The following NRG1 variants were observed in gnomAD, a reference collection of about 807,000 sequenced individuals.
NRG1 encodes neuregulin 1.
NRG1 carries 18 observed loss-of-function variants against 63.8 expected under a neutral mutation model. The observed-to-expected ratio is 0.28, with a 90% confidence interval of 0.19 to 0.42. The LOEUF (loss-of-function observed/expected upper bound fraction) is 0.42. NRG1 is among the 10% of genes least tolerant of loss of function. The pLI is 1.00. For synonymous variants in NRG1, 302 were observed against 301.3 expected, an observed-to-expected ratio of 1.00 and a Z score of -0.02; for missense variants, 762 against 814.7, an observed-to-expected ratio of 0.94 and a Z score of 0.79.
At chr8:32,031,043 G>A (rs1025751146) in intron 1 of NRG1, among the ~76,000 whole-genome samples, 1 of 152,174 alleles carries the variant, frequency 6.6e-6, no homozygotes, top group African/African-American at 2.4e-5. Context: ...GCTACAAGAA[G>A]AACTGCTTTC....
At chr8:31,650,663 G>A (rs543566525) in intron 1 of NRG1, among the ~76,000 whole-genome samples, 1 of 152,270 alleles carries the variant, frequency 6.6e-6, no homozygotes, top group African/African-American at 2.4e-5. Context: ...CCTTACACAA[G>A]GTACTGTTAC....
At chr8:32,575,289 G>A (rs1263096783) in intron 1 of NRG1, among the ~76,000 whole-genome samples, 1 of 152,082 alleles carries the variant, frequency 6.6e-6, no homozygotes, top group East Asian at 1.9e-4. Context: ...CTCACTTCAT[G>A]TTCAATTGCC....
At chr8:31,763,629 G>C (rs918112694) in intron 1 of NRG1, among the ~76,000 whole-genome samples, 6 of 152,182 alleles carry the variant, frequency 3.9e-5, no homozygotes, top group African/African-American at 1.4e-4. Flanking sequence ...TGTGAGAATG[G>C]AAATAAAGGG....
intron 1 of NRG1, among the ~76,000 whole-genome samples, chr8:32,492,133 A>G (rs1043135295): frequency 6.6e-6 from 1 of 152,180 alleles, no homozygotes; most frequent in Non-Finnish European, 1.5e-5. Context: ...AAAAGAAAAA[A>G]AAAAACATTT....
chr8:31,789,261 TAGTC>T (rs1449966415), intron 1 of NRG1, among the ~76,000 whole-genome samples: 3 of 152,210 alleles, frequency 2.0e-5, no homozygotes, highest in Non-Finnish European at 4.4e-5. Flanking sequence ...AGAAAAAAAG[TAGTC>T]AGTAAGTTCT....
chr8:32,755,163 G>T (rs1192093212), intron 8 of NRG1, among the ~76,000 whole-genome samples: 1 of 152,130 alleles, frequency 6.6e-6, no homozygotes, highest in Non-Finnish European at 1.5e-5. Flanking sequence ...GAAAACATTA[G>T]AATAGATTTG....
intron 1 of NRG1, among the ~76,000 whole-genome samples, chr8:31,902,276 G>C (rs919124407): frequency 1.3e-5 from 2 of 152,166 alleles, no homozygotes; most frequent in South Asian, 2.1e-4. Flanking sequence ...GCCTTCAGTA[G>C]AAAATGGGAC....
At position 32,747,732 on chromosome 8, in the gene NRG1, G is replaced by GTGTATATATATATATATATATATATA. The variant is rs1264111970; in HGVS notation, c.691+5000_691+5001insGTATATATATATATATATATATATAT. Among the ~76,000 whole-genome samples, 53 of 132,062 alleles carry GTGTATATATATATATATATATATATA rather than the reference G, an allele frequency of 4.0e-4. 1 individual carries two copies. The highest frequency in any genetic ancestry group is 1.5e-3 in the African/African-American group (51 of 33,644). The allele number at this position is 132,062 out of a possible 152,430, so 86.6% of individuals were successfully genotyped here. ...TGTTTGTGTGCATATATGTGTGTGT[G>GTGTATATATATATATATATATATATA]TATATATATATATATATATATATAT... is the stretch of plus-strand genomic sequence containing the variant. On this transcript the variant is annotated intron_variant, in intron 7 of 11. Transcript: ENST00000356819.
At chr8:32,182,422 T>C (rs1209569665) in intron 1 of NRG1, among the ~76,000 whole-genome samples, 1 of 152,152 alleles carries the variant, frequency 6.6e-6, no homozygotes, top group Non-Finnish European at 1.5e-5. Context: ...AATTTTTGTA[T>C]TTTTAGTAGA....
rs149717210 is a variant in NRG1 at position 31,989,710 on chromosome 8, C to G, written c.37+350279C>G. The stretch of plus-strand genomic sequence containing the variant: ...GCATGCCATTGAAAACCTTCATGCC[C>G]TACTATTTCTTTTAGGACTTTTGTG... On this transcript the variant is annotated intron_variant, in intron 1 of 10. Coordinates refer to the NRG1 transcript ENST00000519301. 4.4e-3 allele frequency among the ~76,000 whole-genome samples: 666 copies of G among 152,156 alleles called. 7 individuals are homozygous for G. Among genetic ancestry groups the G allele is most frequent in the African/African-American group, 0.015 (610 of 41,528 alleles).
chr8:32,108,631 G>A (rs1585346957), intron 1 of NRG1, among the ~76,000 whole-genome samples: 1 of 152,126 alleles, frequency 6.6e-6, no homozygotes, highest in Non-Finnish European at 1.5e-5. Context: ...GGATGATCTC[G>A]GTGGGCCCCT....
intron 1 of NRG1, among the ~76,000 whole-genome samples, chr8:31,883,325 A>G (rs1241208509): frequency 6.6e-6 from 1 of 152,138 alleles, no homozygotes; most frequent in Non-Finnish European, 1.5e-5. Context: ...TGCACACTTA[A>G]TAGACTACAG....
chr8:32,097,181 C>T (rs1830007654), intron 1 of NRG1, among the ~76,000 whole-genome samples: 1 of 152,148 alleles, frequency 6.6e-6, no homozygotes, highest in African/African-American at 2.4e-5. Context: ...GGATTTCATT[C>T]TTTCTTGTGG....
At chr8:31,940,008 A>G (rs180812735) in intron 1 of NRG1, among the ~76,000 whole-genome samples, 3 of 152,282 alleles carry the variant, frequency 2.0e-5, no homozygotes, top group Non-Finnish European at 4.4e-5. Flanking sequence ...TAAACTGGTC[A>G]TCAAGACAGA....
intron 1 of NRG1, among the ~76,000 whole-genome samples, chr8:31,728,169 T>C (rs188984600): frequency 2.0e-5 from 3 of 152,210 alleles, no homozygotes; most frequent in East Asian, 3.9e-4. Flanking sequence ...AAGACTCCTA[T>C]AGAAAATATT....
chr8:32,167,272 TG>T (rs1252156428), intron 1 of NRG1, among the ~76,000 whole-genome samples: 1 of 152,196 alleles, frequency 6.6e-6, no homozygotes, highest in East Asian at 1.9e-4. Context: ...TAGAAAGTTT[TG>T]GTTAGGAAGC....
intron 1 of NRG1, among the ~76,000 whole-genome samples, chr8:32,172,989 C>T (rs199878015): frequency 4.6e-5 from 7 of 151,716 alleles, no homozygotes; most frequent in Non-Finnish European, 7.4e-5. Context: ...ATACAGAGAA[C>T]GCCACAAAGA....
At chr8:32,331,209 C>T (rs1802607430) in intron 1 of NRG1, among the ~76,000 whole-genome samples, 1 of 151,956 alleles carries the variant, frequency 6.6e-6, no homozygotes, top group South Asian at 2.1e-4. Flanking sequence ...AAAGCTTCTT[C>T]TTCTGGCTGG....
chr8:32,102,630 T>G (rs1417489488), intron 1 of NRG1, among the ~76,000 whole-genome samples: 1 of 152,182 alleles, frequency 6.6e-6, no homozygotes, highest in Non-Finnish European at 1.5e-5. Context: ...GTGCTCCCTG[T>G]TAGGGGCACC....
Sources: gnomAD v4.1 joint callset for allele counts (sites outside exome capture counted in the v4.1 genomes callset) on GRCh38, gnomAD v4.1.1 for gene constraint, MANE v1.5 for transcripts, NCBI Gene and HGNC (gene_info 2026-07-23, HGNC 2026-07-21) for gene names.